The following MYO1A variants were observed in gnomAD, a reference collection of about 807,000 sequenced individuals.
MYO1A encodes unconventional myosin-Ia.
MYO1A carries 127 observed loss-of-function variants against 138.5 expected under a neutral mutation model. The observed-to-expected ratio is 0.92, with a 90% CI of 0.79 to 1.06. The LOEUF (loss-of-function observed/expected upper bound fraction) is 1.06, where lower values mean the gene tolerates loss of function less well. Among genes scored for constraint, MYO1A ranks in the 50% least tolerant of loss-of-function variants. MYO1A has a pLI of 0.00. For missense variants in MYO1A, 1,211 were observed against 1,288.8 expected, an observed-to-expected ratio of 0.94 and a Z score of 0.92; for synonymous variants, 477 against 497.5, an observed-to-expected ratio of 0.96 and a Z score of 0.55.
Position 57,039,288 on chromosome 12 carries a change from A to G in MYO1A, c.1270-14T>C, listed in dbSNP as rs781238189. 1.9e-6 allele frequency: 3 copies of G among 1,607,528 alleles called. No homozygotes were observed. Among genetic ancestry groups the G allele is most frequent in the South Asian group, 2.2e-5 (2 of 90,942 alleles). The stretch of plus-strand genomic sequence containing the variant: ...CCACGGTATGCCCTGGTCAGGGGAG[A>G]CAACAAATTACAGGGAACACGTCCA... On this transcript the variant is annotated splice_polypyrimidine_tract_variant and intron_variant, in intron 14 of 27. Coordinates refer to ENST00000300119, the MANE Select transcript of MYO1A (RefSeq NM_005379.4).
At chr12:57,035,017 T>C (rs1197378234) in intron 22 of MYO1A, among the ~76,000 whole-genome samples, 1 of 151,948 alleles carries the variant, frequency 6.6e-6, no homozygotes, top group Admixed American at 6.6e-5. Flanking sequence ...GAATGGATAC[T>C]AGCATTAGTT....
chr12:57,037,981 T>C lies in MYO1A; in HGVS notation c.1849A>G (p.Asn617Asp), dbSNP rs2030650916. ...TAGCCTGCCCGTCGCACCCGTACGT[T>C]CTCCAGCAGTCCCAGGTACCGAGCC... ...TQARYLGLLE[N>D]VRVRRAGYAH... Residue 617 changes from asparagine to aspartate, a missense_variant, in exon 18 of 28, where the codon AAC (asparagine) becomes GAC (aspartate). Asn to Asp is a conservative substitution (Grantham distance 23). Coordinates refer to ENST00000300119, the MANE Select transcript of MYO1A (RefSeq NM_005379.4). 6.2e-7 allele frequency: 1 copy of C among 1,614,018 alleles called. No individual in the cohort carries two copies.
At chr12:57,029,108 CT>C (rs771750112) in intron 27 of MYO1A, 23 bp downstream of exon 27, 55 of 1,613,934 alleles carry the variant, frequency 3.4e-5, no homozygotes, top group Admixed American at 1.2e-4. Context: ...TAAGCCGCCC[CT>C]CACCCCCAGT....
rs770427632 is a variant in MYO1A at position 57,048,059 on chromosome 12, G to A, written c.160C>T (p.Leu54Phe). The A allele has an allele frequency of 9.3e-6, 15 of 1,614,140 alleles. No homozygotes were observed. In the South Asian group the frequency reaches 1.4e-4, roughly 15 times the overall value. ...ATGAACTCTGGCCCATAGATGGGAA[G>A]CTGTTGATAGGGATTCACTGAGATC... is the stretch of plus-strand genomic sequence containing the variant. ...VVISVNPYQQLPIYGPEFIAK... is the reference protein window; with the variant it reads ...VVISVNPYQQFPIYGPEFIAK... Residue 54 changes from leucine to phenylalanine, a missense_variant, in exon 3 of 28, where the codon CTT becomes TTT. Transcript: ENST00000300119.
In MYO1A at chr12:57,047,861, C is replaced by T. The variant is rs1050411179; in HGVS notation, c.230+128G>A. ...AGATGTGACAGGCCTTGGAAGGGGC[C>T]TCCAGAAGGCCAGGGAAGGAAGGGG... On this transcript the variant is annotated intron_variant, in intron 3 of 27. Coordinates refer to ENST00000300119, the MANE Select transcript of MYO1A (RefSeq NM_005379.4). The T allele has an allele frequency of 3.8e-6, 6 of 1,560,174 alleles. No individual in the cohort carries two copies. The African/African-American group carries it at 4.1e-5, about 11-fold the overall frequency.
At chr12:57,041,366 T>TC in intron 13 of MYO1A, 66 bp downstream of exon 13, 2 of 1,582,856 alleles carry the variant, frequency 1.3e-6, no homozygotes, top group Non-Finnish European at 1.7e-6. Flanking sequence ...CTCCCTCACA[T>TC]CCCCCCTGTG....
chr12:57,038,755 G>T, intron 16 of MYO1A, 54 bp downstream of exon 16: 2 of 1,611,694 alleles, frequency 1.2e-6, no homozygotes, highest in South Asian at 2.2e-5. Context: ...CTCCCCCATT[G>T]ACTTCAGTCT....
rs2030538065 is a variant in MYO1A, at chr12:57,036,294, C to G, written c.2349+13G>C. 1.9e-6 allele frequency: 3 copies of G among 1,613,140 alleles called. No homozygotes were observed. The highest frequency in any genetic ancestry group is 2.5e-6 in the Non-Finnish European group (3 of 1,179,356). On this transcript the variant is annotated intron_variant, in intron 22 of 27. Coordinates refer to ENST00000300119, the MANE Select transcript of MYO1A (RefSeq NM_005379.4). ...CTCCATCCCTAACATCCACCCTAAC[C>G]CCTACCACTTACCATGCTCTTGTAG... is the stretch of plus-strand genomic sequence containing the variant.
intron 5 of MYO1A, 86 bp from the exon 6 acceptor site, chr12:57,047,193 T>C: frequency 6.3e-7 from 1 of 1,593,706 alleles, no homozygotes; most frequent in Non-Finnish European, 8.6e-7. Flanking sequence ...CTCAGATTTT[T>C]CTGGGTCGAA....
Position 57,048,362 on chromosome 12 carries a change from GT to G in MYO1A, c.-20-20del, listed in dbSNP as rs1565649143. 7.0e-7 allele frequency: 1 copy of G among 1,433,210 alleles called. No homozygotes were observed. Among genetic ancestry groups the G allele is most frequent in the Non-Finnish European group, 9.8e-7 (1 of 1,016,790 alleles). 88.8% of individuals were successfully genotyped at this position (1,433,210 alleles called of 1,614,324 possible). On this transcript the variant is annotated intron_variant, in intron 1 of 27. Transcript: ENST00000300119. ...ACTGATCCTGGGAATAAGAGGCACA[GT>G]TTGCTGATGTCCACTCAGCTTTAGG...
rs942079086 is a variant in MYO1A, at chr12:57,030,936, A to AT, written c.2484+103dup. 11 of 1,446,518 alleles carry AT rather than the reference A, an allele frequency of 7.6e-6. No individual in the cohort carries two copies. The African/African-American group carries it at 1.1e-4, about 15-fold the overall frequency. 89.6% of individuals were successfully genotyped at this position (1,446,518 alleles called of 1,614,324 possible). A position where few individuals can be genotyped will look rare whatever the true frequency, so the allele number is the denominator to read the frequency against. On this transcript the variant is annotated intron_variant, in intron 23 of 27. Transcript: ENST00000300119. ...TGTATGTTATGTATATTTTACCACA[A>AT]TTTTTTTAATGGGAAAAAAATAGAA...
chr12:57,048,014 T>C lies in MYO1A; in HGVS notation c.205A>G (p.Thr69Ala), dbSNP rs1425227769. The stretch of plus-strand genomic sequence containing the variant: ...ATATGGGGCTTCAGCTCATAGAAAG[T>C]ATAGTCTTGATATTTGGCAATGAAC... ...PEFIAKYQDY[T>A]FYELKPHIYA... The change falls in exon 3 of 28, where the codon ACT (threonine) becomes GCT (alanine). Residue 69 changes from threonine to alanine, a missense_variant. Thr to Ala is a moderately conservative substitution (Grantham distance 58). Coordinates refer to ENST00000300119, the MANE Select transcript of MYO1A (RefSeq NM_005379.4). The C allele has an allele frequency of 1.2e-6, 2 of 1,614,108 alleles. No individual in the cohort carries two copies.
chr12:57,030,030 C>A lies in MYO1A; in HGVS notation c.2592-158G>T, dbSNP rs574104892. On this transcript the variant is annotated intron_variant, in intron 24 of 27. Transcript: ENST00000300119. Reference sequence around the variant, plus strand: ...GTCCAGGACCAAGACATCAGCACCACCTGGGGAGTTGTTAGAAAGGCAAAT... The same window carrying A: ...GTCCAGGACCAAGACATCAGCACCAACTGGGGAGTTGTTAGAAAGGCAAAT... 2.9e-6 allele frequency: 4 copies of A among 1,357,518 alleles called. No homozygotes were observed. The East Asian group carries it at 9.7e-5, about 33-fold the overall frequency. 84.1% of individuals were successfully genotyped at this position (1,357,518 alleles called of 1,614,324 possible).
Position 57,049,875 on chromosome 12 carries a change from G to A in MYO1A, c.-21+12C>T, listed in dbSNP as rs1405773884. ...TTAAAGAGAAGCAGTGACAGGTCAAGGCAGGACTCACCCAACACTGGAACT... is the reference window on the plus strand; with the variant it reads ...TTAAAGAGAAGCAGTGACAGGTCAAAGCAGGACTCACCCAACACTGGAACT... On this transcript the variant is annotated intron_variant, in intron 1 of 27. Transcript: ENST00000300119. 2 of 152,188 alleles carry A rather than the reference G, an allele frequency of 1.3e-5. No individual in the cohort carries two copies. The highest frequency in any genetic ancestry group is 2.9e-5 in the Non-Finnish European group (2 of 68,060). The allele number at this position is 152,188 out of a possible 1,614,324, so 9.4% of individuals were successfully genotyped here. A position where few individuals can be genotyped will look rare whatever the true frequency, so the allele number is the denominator to read the frequency against.
At chr12:57,033,967 A>T (rs1388683892) in intron 22 of MYO1A, among the ~76,000 whole-genome samples, 1 of 152,146 alleles carries the variant, frequency 6.6e-6, no homozygotes, top group Non-Finnish European at 1.5e-5. Flanking sequence ...GTCTGATTTT[A>T]TTTATTAATA....
chr12:57,039,279 T>G lies in MYO1A; in HGVS notation c.1270-5A>C. The G allele has an allele frequency of 3.1e-6, 5 of 1,613,084 alleles. No individual in the cohort carries two copies. The highest frequency in any genetic ancestry group is 4.2e-6 in the Non-Finnish European group (5 of 1,179,074). ...CACCTTTGTCCACGGTATGCCCTGG[T>G]CAGGGGAGACAACAAATTACAGGGA... On this transcript the variant is annotated splice_polypyrimidine_tract_variant and splice_region_variant and intron_variant, in intron 14 of 27. Transcript: ENST00000300119.
chr12:57,033,282 CCAAT>C (rs1282377818), intron 22 of MYO1A, among the ~76,000 whole-genome samples: 1 of 152,196 alleles, frequency 6.6e-6, no homozygotes, highest in Non-Finnish European at 1.5e-5. Context: ...TTTCCAGGAT[CCAAT>C]CAAGCTTCAT....
Position 57,037,997 on chromosome 12 carries a change from G to A in MYO1A, c.1833C>T (p.Tyr611=). 6.2e-7 allele frequency: 1 copy of A among 1,614,190 alleles called. No homozygotes were observed. The highest frequency in any genetic ancestry group is 1.1e-5 in the South Asian group (1 of 91,078). The change falls in exon 18 of 28, where the codon TAC becomes TAT. Residue 611 remains tyrosine, a synonymous_variant. Transcript: ENST00000300119. ...SSDLVATQAR[Y]LGLLENVRVR... ...CCCGTACGTTCTCCAGCAGTCCCAG[G>A]TACCGAGCCTGGGTTGCCACCAGGT... is the stretch of plus-strand genomic sequence containing the variant.
At chr12:57,041,402 G>A (rs772210690) in intron 13 of MYO1A, 30 bp downstream of exon 13, 4 of 1,605,452 alleles carry the variant, frequency 2.5e-6, no homozygotes, top group South Asian at 2.2e-5. Flanking sequence ...AATCCTAGGG[G>A]AGCAGGGTGC....
Sources: gnomAD v4.1 joint callset for allele counts (sites outside exome capture counted in the v4.1 genomes callset) on GRCh38, gnomAD v4.1.1 for gene constraint, MANE v1.5 for transcripts, NCBI Gene and HGNC (gene_info 2026-07-23, HGNC 2026-07-21) for gene names.